Variants in LINGO1 observed in about 807,000 individuals in gnomAD.
The protein encoded by LINGO1 is leucine rich repeat and Ig domain containing 1.
Under a neutral mutation model 37.3 loss-of-function variants are expected in LINGO1, and 11 were observed. The ratio of observed to expected loss-of-function variants is 0.29; its 90% confidence interval spans 0.19 to 0.49. The LOEUF (loss-of-function observed/expected upper bound fraction) is 0.49, where lower values mean the gene tolerates loss of function less well. LINGO1 is among the 20% of genes least tolerant of loss of function. The pLI, the probability that LINGO1 is intolerant of heterozygous loss-of-function variation, is 0.99. For synonymous variants in LINGO1, 387 were observed against 403.0 expected, an observed-to-expected ratio of 0.96 and a Z score of 0.48; for missense variants, 585 against 878.2, an observed-to-expected ratio of 0.67 and a Z score of 4.22.
At chr15:77,656,542 C>T (rs1228562939) in intron 3 of LINGO1, among the ~76,000 whole-genome samples, 2 of 152,172 alleles carry the variant, frequency 1.3e-5, no homozygotes, top group Non-Finnish European at 2.9e-5. Context: ...GGCACCGGCT[C>T]AGAGGGGCCT....
intron 2 of LINGO1, among the ~76,000 whole-genome samples, chr15:77,794,506 G>A (rs1267587095): frequency 4.0e-5 from 5 of 124,538 alleles, no homozygotes; most frequent in Non-Finnish European, 8.3e-5. Context: ...GTATATATGT[G>A]TATATACATA....
At chr15:77,750,959 C>A (rs2141366302) in intron 1 of LINGO1, among the ~76,000 whole-genome samples, 1 of 152,316 alleles carries the variant, frequency 6.6e-6, no homozygotes, top group East Asian at 1.9e-4. Context: ...GGGAAAGATG[C>A]AGCTGGCACC....
intron 1 of LINGO1, chr15:77,695,864 A>T (rs963039653): frequency 2.0e-5 from 3 of 150,846 alleles, no homozygotes; most frequent in Non-Finnish European, 2.9e-5. Flanking sequence ...TCCACTGAAC[A>T]TTTTAGAAGA....
chr15:77,774,482 G>A (rs1037732885), intron 1 of LINGO1, among the ~76,000 whole-genome samples: 5 of 152,152 alleles, frequency 3.3e-5, no homozygotes, highest in African/African-American at 4.8e-5. Flanking sequence ...CTCCAACCCC[G>A]CCGGGAACCC....
intron 1 of LINGO1, among the ~76,000 whole-genome samples, chr15:77,807,676 A>G (rs1416875360): frequency 6.6e-6 from 1 of 152,212 alleles, no homozygotes; most frequent in African/African-American, 2.4e-5. Context: ...ACAGGGGGAA[A>G]GAAAGGAAGA....
intron 1 of LINGO1, among the ~76,000 whole-genome samples, chr15:77,746,495 A>G (rs1440422568): frequency 6.6e-6 from 1 of 152,192 alleles, no homozygotes; most frequent in Non-Finnish European, 1.5e-5. Flanking sequence ...AGAACTCCTT[A>G]GAGCACCCTG....
chr15:77,779,817 T>TCC (rs1189796414), intron 1 of LINGO1, among the ~76,000 whole-genome samples: 1 of 152,154 alleles, frequency 6.6e-6, no homozygotes. Context: ...GATGACAGCC[T>TCC]CCCAGATCCT....
chr15:77,739,415 T>TG (rs994893056), intron 1 of LINGO1, among the ~76,000 whole-genome samples: 3 of 152,160 alleles, frequency 2.0e-5, no homozygotes, highest in African/African-American at 7.2e-5. Context: ...ACCAACCCCT[T>TG]GGGGGCCTCA....
intron 1 of LINGO1, among the ~76,000 whole-genome samples, chr15:77,742,193 G>A (rs2076271449): frequency 1.3e-5 from 2 of 152,328 alleles, no homozygotes; most frequent in South Asian, 2.1e-4. Context: ...AGAAGCTGTC[G>A]GGGACACGTG....
At chr15:77,699,771 T>TCACCTGCACACAG (rs1567532365), upstream of LINGO1, among the ~76,000 whole-genome samples, 4 of 89,022 alleles carry the variant, frequency 4.5e-5, no homozygotes, top group Non-Finnish European at 7.6e-5. Context: ...ATACTAACCA[T>TCACCTGCACACAG]CATTCCCCCC....
chr15:77,648,126 A>G (rs2074677725), intron 3 of LINGO1: 1 of 347,726 alleles, frequency 2.9e-6, no homozygotes, highest in Non-Finnish European at 5.7e-6. Flanking sequence ...CAGGATCATC[A>G]TTAACCCCAT....
chr15:77,642,890 C>A (rs1285981913), intron 3 of LINGO1, among the ~76,000 whole-genome samples: 5 of 152,236 alleles, frequency 3.3e-5, no homozygotes, highest in Admixed American at 3.3e-4. Context: ...CTTGGTCTAT[C>A]CCGCTGAGGC....
At chr15:77,637,759 CTG>C (rs1317998544), upstream of LINGO1, among the ~76,000 whole-genome samples, 1 of 152,206 alleles carries the variant, frequency 6.6e-6, no homozygotes, top group Non-Finnish European at 1.5e-5. This position sits in a 1 kb window ranked among gnomAD's most constrained non-coding sequence, Gnocchi z 4.6. Flanking sequence ...ACCACATTCT[CTG>C]TCGCCTGAGA....
At chr15:77,699,618 C>CCCCGCACACAGTAAGCACAGTAAG (rs2075748183), upstream of LINGO1, among the ~76,000 whole-genome samples, 1 of 151,398 alleles carries the variant, frequency 6.6e-6, no homozygotes, top group Admixed American at 6.6e-5. Flanking sequence ...TAACCATCAT[C>CCCCGCACACAGTAAGCACAGTAAG]TGCACAAACT....
intron 2 of LINGO1, among the ~76,000 whole-genome samples, chr15:77,709,913 C>A (rs1430157958): frequency 6.6e-6 from 1 of 152,210 alleles, no homozygotes; most frequent in African/African-American, 2.4e-5. Flanking sequence ...CCCAGTGAGA[C>A]CCCACACGGT....
At chr15:77,766,336 GAGAAA>G (rs1287061178) in intron 1 of LINGO1, among the ~76,000 whole-genome samples, 7 of 118,028 alleles carry the variant, frequency 5.9e-5, no homozygotes, top group African/African-American at 1.3e-4. Context: ...CAGAGAGAGA[GAGAAA>G]AGAAAAGAAA....
chr15:77,627,095 T>C (rs8027963), intron 1 of LINGO1, among the ~76,000 whole-genome samples: 30,005 of 151,778 alleles, frequency 0.2, 6,455 homozygotes, highest in African/African-American at 0.54. Context: ...ATTAATTCCC[T>C]GAAAGGGGAA....
At chr15:77,658,139 T>G (rs926614395) in intron 3 of LINGO1, among the ~76,000 whole-genome samples, 1 of 152,146 alleles carries the variant, frequency 6.6e-6, no homozygotes, top group Non-Finnish European at 1.5e-5. Context: ...GTGAGGACTG[T>G]GACACTTCCC....
intron 2 of LINGO1, among the ~76,000 whole-genome samples, chr15:77,702,741 A>G (rs539778564): frequency 1.3e-5 from 2 of 152,068 alleles, no homozygotes; most frequent in Non-Finnish European, 2.9e-5. Context: ...ACACACACAC[A>G]CACCAATGGC....
Sources: allele counts gnomAD v4.1 joint callset (sites outside exome capture counted in the v4.1 genomes callset), GRCh38; gene constraint gnomAD v4.1.1; non-coding constraint Gnocchi (gnomAD v3.1); transcripts MANE v1.5; gene names NCBI Gene and HGNC (gene_info 2026-07-23, HGNC 2026-07-21).